Variants in TAFA1 observed in about 807,000 individuals in gnomAD.
TAFA1 encodes the protein TAFA chemokine like family member 1.
A neutral mutation model predicts 18.5 loss-of-function variants in TAFA1; 4 were observed. The ratio of observed to expected loss-of-function variants is 0.22; its 90% CI spans 0.11 to 0.49. The LOEUF (loss-of-function observed/expected upper bound fraction) is 0.49, where lower values mean the gene tolerates loss of function less well. TAFA1 is among the 20% of genes least tolerant of loss of function. The probability of loss-of-function intolerance (pLI) is 0.98; values close to 1 mark genes in which losing one functional copy is unlikely to be tolerated. For missense variants in TAFA1, 147 were observed against 169.0 expected (o/e 0.87, Z 0.72); for synonymous variants, 56 against 55.2 (o/e 1.01, Z -0.06).
intron 2 of TAFA1, among the ~76,000 whole-genome samples, chr3:68,390,637 A>G (rs1190358284): frequency 6.6e-6 from 1 of 152,216 alleles, no homozygotes; most frequent in African/African-American, 2.4e-5. Context: ...GCCCTGTGGG[A>G]CAAAGCTTCC....
chr3:68,298,797 C>T (rs2068255830), intron 2 of TAFA1, among the ~76,000 whole-genome samples: 1 of 152,194 alleles, frequency 6.6e-6, no homozygotes, highest in Admixed American at 6.5e-5. Context: ...CCCAGCCATG[C>T]TGAACTGTGA....
intron 2 of TAFA1, among the ~76,000 whole-genome samples, chr3:68,045,105 G>A (rs1000078644): frequency 6.6e-6 from 1 of 152,094 alleles, no homozygotes; most frequent in Non-Finnish European, 1.5e-5. Context: ...GCTCTGAGTC[G>A]TGGGGCCAGT....
At chr3:68,404,078 C>T (rs1350209862) in intron 2 of TAFA1, among the ~76,000 whole-genome samples, 2 of 152,314 alleles carry the variant, frequency 1.3e-5, no homozygotes, top group Middle Eastern at 3.4e-3. Flanking sequence ...ACTCATTCAT[C>T]CTCACAACAA....
At chr3:68,311,019 C>A (rs2068507382) in intron 2 of TAFA1, among the ~76,000 whole-genome samples, 1 of 152,116 alleles carries the variant, frequency 6.6e-6, no homozygotes. Context: ...GGAGGCCTCA[C>A]AATCATGGTG....
chr3:68,359,403 A>T (rs2106790506), intron 2 of TAFA1, among the ~76,000 whole-genome samples: 1 of 152,110 alleles, frequency 6.6e-6, no homozygotes, highest in East Asian at 1.9e-4. Context: ...TAATTAGTTG[A>T]TTTTAAAATA....
At chr3:67,999,157 T>C in the TAFA1 span, among the ~76,000 whole-genome samples, 2 of 152,182 alleles carry the variant, frequency 1.3e-5, no homozygotes, top group Admixed American at 1.3e-4. Flanking sequence ...AAATGCTTAA[T>C]AGCTACATGT....
intron 3 of TAFA1, among the ~76,000 whole-genome samples, chr3:68,431,530 T>A (rs2071171754): frequency 6.6e-6 from 1 of 152,026 alleles, no homozygotes; most frequent in Admixed American, 6.6e-5. Context: ...CTCAAGATGA[T>A]AAGGGGCTTG....
intron 2 of TAFA1, among the ~76,000 whole-genome samples, chr3:68,402,905 T>C (rs1232563582): frequency 6.6e-6 from 1 of 152,186 alleles, no homozygotes; most frequent in East Asian, 1.9e-4. Flanking sequence ...TTAAATACTG[T>C]TAAGGGTGGG....
chr3:68,126,917 A>G (rs2065471194), intron 2 of TAFA1, among the ~76,000 whole-genome samples: 1 of 152,218 alleles, frequency 6.6e-6, no homozygotes, highest in South Asian at 2.1e-4. Context: ...ATGGGTTCGT[A>G]ATTTCATCTT....
rs1391341646 is a variant in TAFA1, at chr3:68,287,913, G to C, written c.119-129367G>C. Among the ~76,000 whole-genome samples, 2 of 86,238 alleles carry C rather than the reference G, an allele frequency of 2.3e-5. 1 individual carries two copies. 56.6% of individuals were successfully genotyped at this position (86,238 alleles called of 152,430 possible). A position where few individuals can be genotyped will look rare whatever the true frequency, so the allele number is the denominator to read the frequency against. On this transcript the variant is annotated intron_variant, in intron 2 of 4. Transcript: ENST00000478136. ...TTTTGCTTTTTGTTTTTGTTGGGGG[G>C]TGGGGGGGCTTTTTGAAAATTTTTT... is the stretch of plus-strand genomic sequence containing the variant.
intron 2 of TAFA1, among the ~76,000 whole-genome samples, chr3:68,078,162 T>A (rs1209388909): frequency 6.6e-6 from 1 of 152,202 alleles, no homozygotes; most frequent in African/African-American, 2.4e-5. Flanking sequence ...ATTGATTTTG[T>A]ATCCTGAGAC....
intron 2 of TAFA1, among the ~76,000 whole-genome samples, chr3:68,046,030 T>C (rs1321791466): frequency 6.6e-5 from 10 of 152,204 alleles, no homozygotes; most frequent in Non-Finnish European, 1.5e-4. Flanking sequence ...TTTCCCCTAA[T>C]AGGTTTACAG....
At chr3:68,336,745 G>A (rs1012372639) in intron 2 of TAFA1, among the ~76,000 whole-genome samples, 1 of 152,142 alleles carries the variant, frequency 6.6e-6, no homozygotes, top group Non-Finnish European at 1.5e-5. Context: ...TATTTATTGA[G>A]ATGGAGTTTT....
At chr3:68,292,954 T>C (rs1404296706) in intron 2 of TAFA1, among the ~76,000 whole-genome samples, 1 of 152,192 alleles carries the variant, frequency 6.6e-6, no homozygotes, top group East Asian at 1.9e-4. Context: ...ATTTCATTGA[T>C]TGCTTCCCTT....
intron 2 of TAFA1, among the ~76,000 whole-genome samples, chr3:68,414,543 C>G (rs752656749): frequency 2.0e-5 from 3 of 152,106 alleles, no homozygotes; most frequent in Non-Finnish European, 4.4e-5. Flanking sequence ...CCCTCTGAGC[C>G]TCAGCTTCTC....
chr3:68,309,229 C>G (rs190293652), intron 2 of TAFA1, among the ~76,000 whole-genome samples: 11 of 152,064 alleles, frequency 7.2e-5, no homozygotes, highest in Non-Finnish European at 1.0e-4. Context: ...ACAAAGCATA[C>G]GATAGGTGTC....
chr3:68,409,747 T>C (rs2070677234), intron 2 of TAFA1, among the ~76,000 whole-genome samples: 1 of 152,280 alleles, frequency 6.6e-6, no homozygotes, highest in African/African-American at 2.4e-5. Flanking sequence ...TTCCCATAGG[T>C]GTCCATTCAA....
At chr3:68,416,809 G>GC (rs1370836269) in intron 2 of TAFA1, among the ~76,000 whole-genome samples, 7 of 152,196 alleles carry the variant, frequency 4.6e-5, no homozygotes, top group African/African-American at 1.7e-4. Flanking sequence ...TTTCTATTTA[G>GC]CCCCCCTTGA....
In TAFA1 at chr3:68,365,144, G is replaced by A. The variant is rs528301606; in HGVS notation, c.119-52136G>A. On this transcript the variant is annotated intron_variant, in intron 2 of 4. Coordinates refer to ENST00000478136, the MANE Select transcript of TAFA1 (RefSeq NM_213609.4). ...AAGCAAGCAATGTGATTATCACTTC[G>A]TATACATTGTATAATGAATTACCCA... Among the ~76,000 whole-genome samples the A allele has an allele frequency of 6.6e-5, 10 of 152,204 alleles. No individual in the cohort carries two copies. In the South Asian group the frequency reaches 8.3e-4, roughly 13 times the overall value.
Sources: allele counts gnomAD v4.1 joint callset (sites outside exome capture counted in the v4.1 genomes callset), GRCh38; gene constraint gnomAD v4.1.1; transcripts MANE v1.5; gene names NCBI Gene and HGNC (gene_info 2026-07-23, HGNC 2026-07-21).